IREB2: variants seen among roughly 807,000 people sequenced by gnomAD.
IREB2 encodes the protein iron-responsive element-binding protein 2.
Under a neutral mutation model 118.8 loss-of-function variants are expected in IREB2, and 39 were observed. That is an observed-to-expected ratio of 0.33 (90% CI 0.25 to 0.43). The LOEUF is 0.43. Among genes scored for constraint, IREB2 ranks in the 20% least tolerant of loss-of-function variants. The pLI, the probability that IREB2 is intolerant of heterozygous loss-of-function variation, is 1.00. For synonymous variants in IREB2, 372 were observed against 392.2 expected, an observed-to-expected ratio of 0.95 and a Z score of 0.61; for missense variants, 900 against 1,147.3, an observed-to-expected ratio of 0.78 and a Z score of 3.11.
Position 78,438,311 on chromosome 15 carries a change from C to T in IREB2, c.-27C>T. On this transcript the variant is annotated 5_prime_UTR_variant, in exon 1 of 22. Transcript: ENST00000258886. ...CCCTTCTTCCCCCGCTGGCCCCCTC[C>T]CCGGAGGGATAATATGGTCTCCGGC... The T allele has an allele frequency of 4.4e-6, 7 of 1,579,488 alleles. No homozygotes were observed. The highest frequency in any genetic ancestry group is 6.0e-6 in the Non-Finnish European group (7 of 1,162,366).
At chr15:78,458,645 C>G (rs1200998629) in intron 2 of IREB2, among the ~76,000 whole-genome samples, 1 of 152,084 alleles carries the variant, frequency 6.6e-6, no homozygotes, top group Non-Finnish European at 1.5e-5. Context: ...TGTCCTGAAC[C>G]CTACTCACCT....
At chr15:78,444,444 AG>A (rs1261151695) in intron 2 of IREB2, among the ~76,000 whole-genome samples, 1 of 152,064 alleles carries the variant, frequency 6.6e-6, no homozygotes, top group Non-Finnish European at 1.5e-5. Flanking sequence ...GGTGGTGTAA[AG>A]CCCCCAGGCA....
At chr15:78,465,152 G>A (rs940688509) in intron 3 of IREB2, 99 bp from the exon 4 acceptor site, 1 of 915,064 alleles carries the variant, frequency 1.1e-6, no homozygotes, top group Admixed American at 2.9e-5. Context: ...AAACTAGACA[G>A]GGATACTTTT....
At chr15:78,441,223 C>T (rs995438467) in intron 2 of IREB2, among the ~76,000 whole-genome samples, 1 of 151,996 alleles carries the variant, frequency 6.6e-6, no homozygotes, top group African/African-American at 2.4e-5. Flanking sequence ...TAGAATTAGG[C>T]TGTCATTTAA....
chr15:78,489,559 C>G (rs1016467957), intron 16 of IREB2, among the ~76,000 whole-genome samples: 1 of 152,074 alleles, frequency 6.6e-6, no homozygotes, highest in Non-Finnish European at 1.5e-5. Flanking sequence ...CTCTGTCACC[C>G]AGGCTGGAGT....
intron 20 of IREB2, 40 bp downstream of exon 20, chr15:78,494,304 G>A (rs1346103804): frequency 2.5e-6 from 4 of 1,582,876 alleles, no homozygotes; most frequent in East Asian, 2.2e-5. Context: ...GCTTCAAAGA[G>A]TTTTAACTGT....
intron 13 of IREB2, among the ~76,000 whole-genome samples, chr15:78,486,630 A>T (rs12903295): frequency 1.3e-5 from 2 of 151,564 alleles, no homozygotes; most frequent in Non-Finnish European, 3.0e-5. Context: ...AAAGTAACCT[A>T]TGTTTTTTAT....
At chr15:78,482,878 G>C (rs1481361416) in intron 10 of IREB2, among the ~76,000 whole-genome samples, 1 of 152,084 alleles carries the variant, frequency 6.6e-6, no homozygotes, top group South Asian at 2.1e-4. Flanking sequence ...CTCCCGAGTA[G>C]CTGGGACTAC....
chr15:78,466,507 T>C lies in IREB2; in HGVS notation c.629+18T>C. 6.6e-7 allele frequency: 1 copy of C among 1,510,624 alleles called. No individual in the cohort carries two copies. The highest frequency in any genetic ancestry group is 9.2e-7 in the Non-Finnish European group (1 of 1,087,346). The allele number at this position is 1,510,624 out of a possible 1,614,324, so 93.6% of individuals were successfully genotyped here. A position where few individuals can be genotyped will look rare whatever the true frequency, so the allele number is the denominator to read the frequency against. ...GTGCCTGAGTATGAGATTGTTTTTC[T>C]TAAAGTTTATTAATACCAGGTTATT... On this transcript the variant is annotated intron_variant, in intron 5 of 21. Coordinates refer to ENST00000258886, the MANE Select transcript of IREB2 (RefSeq NM_004136.4).
chr15:78,444,596 C>A (rs1023539501), intron 2 of IREB2, among the ~76,000 whole-genome samples: 3 of 151,994 alleles, frequency 2.0e-5, no homozygotes, highest in Non-Finnish European at 4.4e-5. Context: ...GGAAGAAAAT[C>A]CTGTATTTAA....
chr15:78,467,345 C>A (rs2051301332), intron 5 of IREB2, among the ~76,000 whole-genome samples: 1 of 151,990 alleles, frequency 6.6e-6, no homozygotes, highest in South Asian at 2.1e-4. Flanking sequence ...GAAAAGAATT[C>A]TATTCCTAGG....
At chr15:78,449,414 G>A (rs2050986108) in intron 2 of IREB2, among the ~76,000 whole-genome samples, 1 of 152,130 alleles carries the variant, frequency 6.6e-6, no homozygotes, top group African/African-American at 2.4e-5. Context: ...TGTTTATAGG[G>A]ATCAGAGAGG....
rs192071119 is a variant in IREB2 at position 78,442,193 on chromosome 15, G to T, written c.106+2312G>T. 8.4e-4 allele frequency among the ~76,000 whole-genome samples: 128 copies of T among 152,210 alleles called. 2 individuals carry two copies. The highest frequency in any genetic ancestry group is 4.3e-3 in the South Asian group (21 of 4,828). ...TTACAGGAGTGAGCCACTGCGCCCA[G>T]CCCCTCCTGCTTTTTTAATAGAGTG... On this transcript the variant is annotated intron_variant, in intron 2 of 21. Coordinates refer to ENST00000258886, the MANE Select transcript of IREB2 (RefSeq NM_004136.4).
intron 9 of IREB2, 85 bp downstream of exon 9, chr15:78,476,444 G>GTTAT (rs1263481563): frequency 2.1e-6 from 2 of 941,718 alleles, no homozygotes; most frequent in African/African-American, 3.3e-5. Context: ...CCTTATCCAT[G>GTTAT]TTATTTACTA....
Position 78,471,754 on chromosome 15 carries a change from T to C in IREB2, c.713T>C (p.Val238Ala). 1 of 1,597,424 alleles carries C rather than the reference T, an allele frequency of 6.3e-7. No homozygotes were observed. The highest frequency in any genetic ancestry group is 8.5e-7 in the Non-Finnish European group (1 of 1,172,226). The change falls in exon 7 of 22, where the codon GTT becomes GCT. Residue 238 changes from valine to alanine, a missense_variant. Physicochemically the swap from Val to Ala is moderately conservative, Grantham distance 64 (BLOSUM62 0). Coordinates refer to ENST00000258886, the MANE Select transcript of IREB2 (RefSeq NM_004136.4). ...RLQFFKWSSR[V>A]FKNVAVIPPG... ...AACAAAATATAGTGGAGTTCAAGAG[T>C]TTTTAAGAATGTGGCAGTGATCCCT...
At chr15:78,482,159 G>T (rs1045780246) in intron 10 of IREB2, among the ~76,000 whole-genome samples, 1 of 152,130 alleles carries the variant, frequency 6.6e-6, no homozygotes, top group Non-Finnish European at 1.5e-5. Context: ...GAGCCCAGGA[G>T]GTTGAGGCTG....
chr15:78,458,193 C>T (rs1338687236), intron 2 of IREB2, among the ~76,000 whole-genome samples: 2 of 152,180 alleles, frequency 1.3e-5, no homozygotes, highest in Middle Eastern at 3.4e-3. Context: ...TTCTACTTTA[C>T]GTACAACTTT....
chr15:78,473,647 A>T (rs1209751203), intron 8 of IREB2: 6 of 343,558 alleles, frequency 1.7e-5, no homozygotes, highest in Non-Finnish European at 2.7e-5. Context: ...TACTATTCTC[A>T]TTGTAACTCT....
intron 2 of IREB2, among the ~76,000 whole-genome samples, chr15:78,442,925 C>G (rs528018815): frequency 1.3e-5 from 2 of 152,182 alleles, no homozygotes; most frequent in South Asian, 2.1e-4. Flanking sequence ...GATAAAAGCC[C>G]TCTCCAGGGG....
Sources: gnomAD v4.1 joint callset for allele counts (sites outside exome capture counted in the v4.1 genomes callset) on GRCh38, gnomAD v4.1.1 for gene constraint, MANE v1.5 for transcripts, NCBI Gene and HGNC (gene_info 2026-07-23, HGNC 2026-07-21) for gene names.